The following CKLF variants were observed in gnomAD, a reference collection of about 807,000 sequenced individuals.
CKLF encodes the protein chemokine like factor.
Under a neutral mutation model 12.9 loss-of-function variants are expected in CKLF, and 16 were observed. That is an observed-to-expected ratio of 1.24 (90% CI 0.84 to 1.88). CKLF has a LOEUF of 1.88. CKLF is among the 40% of genes most tolerant of loss of function. The pLI, the probability that CKLF is intolerant of heterozygous loss-of-function variation, is 0.00. For synonymous variants in CKLF, 61 were observed against 69.0 expected, an observed-to-expected ratio of 0.88 and a Z score of 0.57; for missense variants, 172 against 188.5, an observed-to-expected ratio of 0.91 and a Z score of 0.51.
At chr16:66,563,030 T>TG in intron 2 of CKLF, 92 bp from the exon 3 acceptor site, 1 of 1,477,704 alleles carries the variant, frequency 6.8e-7, no homozygotes, top group Non-Finnish European at 9.3e-7. Flanking sequence ...GACTTTGTTT[T>TG]TTGTTGTTGT....
At chr16:66,559,787 A>C (rs934557704) in intron 2 of CKLF, among the ~76,000 whole-genome samples, 7 of 152,224 alleles carry the variant, frequency 4.6e-5, no homozygotes, top group Non-Finnish European at 8.8e-5. Flanking sequence ...CTGATATTGT[A>C]TCTCTTAGAA....
intron 1 of CKLF, among the ~76,000 whole-genome samples, chr16:66,553,173 A>C (rs2011256043): frequency 6.8e-6 from 1 of 147,392 alleles, no homozygotes; most frequent in Non-Finnish European, 1.5e-5. Flanking sequence ...AAACAAAAAC[A>C]AAAAAAAACC....
intron 2 of CKLF, among the ~76,000 whole-genome samples, chr16:66,562,415 G>A (rs1025041246): frequency 2.6e-5 from 4 of 152,004 alleles, no homozygotes; most frequent in Non-Finnish European, 2.9e-5. Context: ...ATTTTCTTAC[G>A]TTATTAAAAA....
intron 2 of CKLF, chr16:66,558,568 G>A (rs1230665654): frequency 4.4e-6 from 2 of 453,648 alleles, no homozygotes; most frequent in Admixed American, 4.2e-5. Context: ...CCATCTATCA[G>A]TAGATGTGGC....
At chr16:66,562,981 G>A in intron 2 of CKLF, 141 bp from the exon 3 acceptor site, 1 of 867,960 alleles carries the variant, frequency 1.2e-6, no homozygotes, top group Non-Finnish European at 1.8e-6. Flanking sequence ...CTTCCAAAGT[G>A]CTGGGATTAC....
chr16:66,558,170 C>G lies in CKLF; in HGVS notation c.79-20C>G, dbSNP rs368008197. The G allele has an allele frequency of 6.2e-7, 1 of 1,602,910 alleles. No homozygotes were observed. The highest frequency in any genetic ancestry group is 8.5e-7 in the Non-Finnish European group (1 of 1,177,730). On this transcript the variant is annotated intron_variant, in intron 1 of 3. Transcript: ENST00000264001. The stretch of plus-strand genomic sequence containing the variant: ...TGTATTCAGTTGTCACTGAATAAAT[C>G]GTGGGTTTTTTTCTTCTAGGCACTA...
intron 1 of CKLF, among the ~76,000 whole-genome samples, chr16:66,555,878 G>C (rs1452348598): frequency 6.6e-6 from 1 of 152,210 alleles, no homozygotes; most frequent in African/African-American, 2.4e-5. Context: ...TTATTGATCA[G>C]TTGGGGAATG....
chr16:66,563,065 T>C, intron 2 of CKLF, 57 bp from the exon 3 acceptor site: 3 of 1,602,306 alleles, frequency 1.9e-6, no homozygotes, highest in Non-Finnish European at 2.6e-6. Context: ...TTGTTTTTCC[T>C]TTTTAGCATT....
In CKLF at chr16:66,565,967, C is replaced by T. The variant is rs2012251959; in HGVS notation, c.415C>T (p.Pro139Ser). ...GAAGCTTCTGTTCAATCCCAGCGGT[C>T]CTTACCAGAAAAAGCCTGTGCATGA... ...YRKLLFNPSG[P>S]YQKKPVHEKK... The change falls in exon 4 of 4, where the codon CCT becomes TCT. Residue 139 changes from proline (P) to serine (S), a missense_variant. By Grantham distance (74) the Pro-to-Ser change is moderately conservative. Coordinates refer to ENST00000264001, the MANE Select transcript of CKLF (RefSeq NM_016951.4). The T allele has an allele frequency of 6.2e-7, 1 of 1,613,202 alleles. No individual in the cohort carries two copies. Among genetic ancestry groups the T allele is most frequent in the Non-Finnish European group, 8.5e-7 (1 of 1,179,356 alleles).
intron 1 of CKLF, among the ~76,000 whole-genome samples, chr16:66,553,949 A>G (rs955315692): frequency 7.2e-5 from 11 of 152,204 alleles, no homozygotes; most frequent in African/African-American, 2.7e-4. Flanking sequence ...TTTAGAAACC[A>G]CTCTGGAGTT....
At chr16:66,557,806 G>T (rs1214384157) in intron 1 of CKLF, among the ~76,000 whole-genome samples, 1 of 152,186 alleles carries the variant, frequency 6.6e-6, no homozygotes, top group Admixed American at 6.5e-5. Context: ...AACATCAAGA[G>T]AACTGATGTG....
intron 1 of CKLF, among the ~76,000 whole-genome samples, chr16:66,554,150 A>G (rs2011314098): frequency 6.6e-6 from 1 of 152,226 alleles, no homozygotes; most frequent in Non-Finnish European, 1.5e-5. Context: ...AATACTTAAT[A>G]TGGTCCAAAC....
At chr16:66,563,033 G>T (rs59529247) in intron 2 of CKLF, 89 bp from the exon 3 acceptor site, 62,975 of 1,478,930 alleles carry the variant, frequency 0.043, 2,789 homozygotes, top group Admixed American at 0.16. Flanking sequence ...TTTGTTTTTT[G>T]TTGTTGTTGT....
At chr16:66,560,389 T>G (rs532551461) in intron 2 of CKLF, among the ~76,000 whole-genome samples, 2 of 152,258 alleles carry the variant, frequency 1.3e-5, no homozygotes, top group East Asian at 3.9e-4. Context: ...GAGAGTAGCA[T>G]GATCAGATGA....
intron 2 of CKLF, among the ~76,000 whole-genome samples, chr16:66,560,506 G>A (rs574034624): frequency 5.3e-5 from 8 of 152,106 alleles, no homozygotes; most frequent in Non-Finnish European, 1.0e-4. Context: ...CTAGATTTTA[G>A]TTACTTAAAA....
chr16:66,565,027 GA>G (rs16970053), intron 3 of CKLF, among the ~76,000 whole-genome samples: 1 of 151,744 alleles, frequency 6.6e-6, no homozygotes, highest in African/African-American at 2.4e-5. Context: ...GAGAATAAAG[GA>G]AAAAAAATGG....
chr16:66,561,342 C>T (rs559380021), intron 2 of CKLF, among the ~76,000 whole-genome samples: 10 of 151,984 alleles, frequency 6.6e-5, no homozygotes, highest in South Asian at 2.1e-4. Context: ...AGCATAGGCT[C>T]AGAATTCCTT....
intron 2 of CKLF, among the ~76,000 whole-genome samples, chr16:66,560,217 C>T (rs1280368815): frequency 1.3e-5 from 2 of 152,128 alleles, no homozygotes; most frequent in Non-Finnish European, 2.9e-5. Flanking sequence ...GAGCATGACC[C>T]TCCAGGACCT....
intron 1 of CKLF, among the ~76,000 whole-genome samples, chr16:66,553,172 C>CAA (rs557341545): frequency 2.0e-5 from 3 of 150,068 alleles, no homozygotes; most frequent in Non-Finnish European, 3.0e-5. Context: ...AAAACAAAAA[C>CAA]AAAAAAAAAC....
Sources: allele counts gnomAD v4.1 joint callset (sites outside exome capture counted in the v4.1 genomes callset), GRCh38; gene constraint gnomAD v4.1.1; transcripts MANE v1.5; gene names NCBI Gene and HGNC (gene_info 2026-07-23, HGNC 2026-07-21).